UBAC2: variants seen among roughly 807,000 people sequenced by gnomAD.
UBAC2 encodes UBA domain containing 2.
A neutral mutation model predicts 44.0 loss-of-function variants in UBAC2; 26 were observed. The ratio of observed to expected loss-of-function variants is 0.59; its 90% CI spans 0.43 to 0.82. UBAC2 has a LOEUF of 0.82. Ranked by LOEUF, UBAC2 falls within the 40% of genes least tolerant of loss-of-function variation. UBAC2 has a pLI of 0.00. For synonymous variants in UBAC2, 155 were observed against 154.3 expected (o/e 1.00, Z -0.04); for missense variants, 329 against 419.4 (o/e 0.78, Z 1.88).
At chr13:99,270,280 T>C (rs1468755845) in intron 4 of UBAC2, among the ~76,000 whole-genome samples, 2 of 152,210 alleles carry the variant, frequency 1.3e-5, no homozygotes, top group African/African-American at 4.8e-5. Flanking sequence ...TAAGCAGATA[T>C]TTTTATCAAG....
intron 8 of UBAC2, among the ~76,000 whole-genome samples, chr13:99,369,962 T>G (rs1447951531): frequency 6.6e-6 from 1 of 152,138 alleles, no homozygotes; most frequent in South Asian, 2.1e-4. Context: ...TGTTCCAGAT[T>G]AAAGGAGACT....
intron 4 of UBAC2, among the ~76,000 whole-genome samples, chr13:99,250,787 C>T (rs1051116081): frequency 3.9e-5 from 6 of 151,926 alleles, no homozygotes; most frequent in Non-Finnish European, 7.4e-5. Context: ...CACTCTGTCA[C>T]CCAGGCTGGA....
chr13:99,315,030 C>CTT (rs984876349), intron 5 of UBAC2, among the ~76,000 whole-genome samples: 6 of 152,202 alleles, frequency 3.9e-5, no homozygotes, highest in African/African-American at 1.4e-4. Flanking sequence ...ACTGGCGTCA[C>CTT]TTCAGAATGC....
chr13:99,327,300 C>T (rs1485160875), intron 6 of UBAC2, among the ~76,000 whole-genome samples: 1 of 152,110 alleles, frequency 6.6e-6, no homozygotes. Context: ...AAGAGGTTGC[C>T]AAGAAACACC....
intron 4 of UBAC2, among the ~76,000 whole-genome samples, chr13:99,264,724 G>A (rs1402014618): frequency 6.6e-6 from 1 of 152,164 alleles, no homozygotes; most frequent in Non-Finnish European, 1.5e-5. Context: ...CCAACTCTTT[G>A]CATTGCAGAG....
At chr13:99,211,875 C>T (rs956254843) in intron 1 of UBAC2, among the ~76,000 whole-genome samples, 2 of 152,136 alleles carry the variant, frequency 1.3e-5, no homozygotes, top group African/African-American at 4.8e-5. Flanking sequence ...TGGCAGTGTG[C>T]TTTTCCCTCA....
chr13:99,353,909 TG>T (rs2045135884), intron 7 of UBAC2, among the ~76,000 whole-genome samples: 2 of 152,274 alleles, frequency 1.3e-5, no homozygotes, highest in Admixed American at 1.3e-4. Flanking sequence ...GACGTGGTTT[TG>T]TGGAGAAAGC....
At chr13:99,278,456 G>T (rs1285117845) in intron 4 of UBAC2, among the ~76,000 whole-genome samples, 1 of 152,004 alleles carries the variant, frequency 6.6e-6, no homozygotes, top group African/African-American at 2.4e-5. Context: ...TAAGGGAAGT[G>T]GGTATTGTGG....
At chr13:99,265,085 T>G (rs1361223995) in intron 4 of UBAC2, among the ~76,000 whole-genome samples, 1 of 152,160 alleles carries the variant, frequency 6.6e-6, no homozygotes, top group African/African-American at 2.4e-5. Context: ...AGACGTGTTG[T>G]TTTTTTCTTG....
At chr13:99,286,375 T>G (rs1175709247) in intron 4 of UBAC2, among the ~76,000 whole-genome samples, 1 of 152,256 alleles carries the variant, frequency 6.6e-6, no homozygotes, top group Admixed American at 6.5e-5. Context: ...ACATTGTGTG[T>G]GTGTTTATGA....
chr13:99,377,379 TC>T (rs2045495553), intron 8 of UBAC2: 1 of 152,256 alleles, frequency 6.6e-6, no homozygotes, highest in African/African-American at 2.4e-5. Context: ...AACTTTCTCT[TC>T]CTGTGGATGT....
At chr13:99,277,753 T>G (rs949930631) in intron 4 of UBAC2, among the ~76,000 whole-genome samples, 1 of 152,212 alleles carries the variant, frequency 6.6e-6, no homozygotes, top group Non-Finnish European at 1.5e-5. Context: ...TGTCTCACTT[T>G]CTGGGCCTAC....
intron 1 of UBAC2, among the ~76,000 whole-genome samples, chr13:99,226,340 A>G (rs945826024): frequency 2.0e-5 from 3 of 152,160 alleles, no homozygotes; most frequent in East Asian, 3.8e-4. Flanking sequence ...CCATCTGCCC[A>G]TGCACCCGGT....
At chr13:99,201,343 T>TAAC (rs2042795093) in intron 1 of UBAC2, 1 of 1,542,328 alleles carries the variant, frequency 6.5e-7, no homozygotes, top group African/African-American at 1.4e-5. Context: ...GGGACCGAAC[T>TAAC]AACTCCCCCC....
intron 5 of UBAC2, among the ~76,000 whole-genome samples, chr13:99,315,635 T>C (rs543572606): frequency 6.6e-6 from 1 of 152,206 alleles, no homozygotes; most frequent in Non-Finnish European, 1.5e-5. Flanking sequence ...TTTCCCCATC[T>C]ATCAAATGGG....
chr13:99,241,450 C>G (rs1478976287), intron 2 of UBAC2, among the ~76,000 whole-genome samples: 1 of 152,100 alleles, frequency 6.6e-6, no homozygotes, highest in East Asian at 1.9e-4. Flanking sequence ...CATGCTTTAC[C>G]ATGAACCTTG....
intron 1 of UBAC2, among the ~76,000 whole-genome samples, chr13:99,221,687 C>T (rs912648876): frequency 6.6e-6 from 1 of 152,182 alleles, no homozygotes; most frequent in Non-Finnish European, 1.5e-5. Flanking sequence ...CTGCCCTGTT[C>T]CACCTGGGAT....
At chr13:99,337,888 T>C (rs2044814057) in intron 6 of UBAC2, among the ~76,000 whole-genome samples, 1 of 152,062 alleles carries the variant, frequency 6.6e-6, no homozygotes, top group African/African-American at 2.4e-5. Context: ...CCACAGGGCC[T>C]AGACCCTCTA....
chr13:99,291,040 A>G (rs2044083329), intron 4 of UBAC2, among the ~76,000 whole-genome samples: 1 of 152,206 alleles, frequency 6.6e-6, no homozygotes, highest in Non-Finnish European at 1.5e-5. Context: ...AAGTGGTGGC[A>G]TGAATGCTCC....
Sources: gnomAD v4.1 joint callset for allele counts (sites outside exome capture counted in the v4.1 genomes callset) on GRCh38, gnomAD v4.1.1 for gene constraint, MANE v1.5 for transcripts, NCBI Gene and HGNC (gene_info 2026-07-23, HGNC 2026-07-21) for gene names.